Variants in ERCC6 observed in about 807,000 individuals in gnomAD.
ERCC6 encodes the protein DNA excision repair protein ERCC-6.
Under a neutral mutation model 158.7 loss-of-function variants are expected in ERCC6, and 116 were observed. The observed-to-expected ratio is 0.73, with a 90% CI of 0.63 to 0.85. ERCC6 has a LOEUF of 0.85. Among genes scored for constraint, ERCC6 ranks in the 40% least tolerant of loss-of-function variants. The pLI is 0.00. For missense variants in ERCC6, 1,698 were observed against 1,799.4 expected (o/e 0.94, Z 1.02); for synonymous variants, 678 against 659.3 (o/e 1.03, Z -0.43).
At chr10:49,451,562 T>C (rs1029708282), downstream of ERCC6, among the ~76,000 whole-genome samples, 4 of 152,220 alleles carry the variant, frequency 2.6e-5, no homozygotes, top group Non-Finnish European at 4.4e-5. Flanking sequence ...ATTGATATAA[T>C]GTATTACATT....
the ERCC6 span, among the ~76,000 whole-genome samples, chr10:49,443,896 G>A: frequency 6.6e-6 from 1 of 152,194 alleles, no homozygotes; most frequent in East Asian, 1.9e-4. Flanking sequence ...ATGCTGCTCA[G>A]AACGTGTCCT....
chr10:49,483,474 T>C lies in ERCC6; in HGVS notation c.1864A>G (p.Ile622Val). The stretch of plus-strand genomic sequence containing the variant: ...AATCGAATGTAGGAGTAAGATGTGA[T>C]CAAAATTCCATGACAATGAGCAACA... ...RDVAHCHGILITSYSYIRLMQ... is the reference protein window; with the variant it reads ...RDVAHCHGILVTSYSYIRLMQ... Residue 622 changes from isoleucine to valine, a missense_variant, in exon 9 of 21, where the codon ATC (isoleucine) becomes GTC (valine). Coordinates refer to ENST00000355832, the MANE Select transcript of ERCC6 (RefSeq NM_000124.4). 6.2e-7 allele frequency: 1 copy of C among 1,614,122 alleles called. No individual in the cohort carries two copies. Among genetic ancestry groups the C allele is most frequent in the Non-Finnish European group, 8.5e-7 (1 of 1,179,998 alleles).
chr10:49,448,008 A>G, the ERCC6 span, among the ~76,000 whole-genome samples: 3 of 152,212 alleles, frequency 2.0e-5, no homozygotes, highest in African/African-American at 7.2e-5. Context: ...ATATTCACAT[A>G]CAAGTATTTG....
At chr10:49,493,465 G>A (rs1851212020) in intron 7 of ERCC6, among the ~76,000 whole-genome samples, 1 of 152,160 alleles carries the variant, frequency 6.6e-6, no homozygotes. Context: ...ATTAGTGGAT[G>A]TAGGTGTTAA....
chr10:49,461,446 G>A lies in ERCC6; in HGVS notation c.3889C>T (p.Leu1297=), dbSNP rs751390320. ...NRVAQDALKA[L]RLSRQRCLGA... ...AGACACCGCTGACGAGAGAGCCTCAGTGCTTTCAGGGCATCCTGGGCCACT... is the reference window on the plus strand; with the variant it reads ...AGACACCGCTGACGAGAGAGCCTCAATGCTTTCAGGGCATCCTGGGCCACT... Residue 1297 remains leucine, a synonymous_variant, in exon 19 of 21, where the codon CTG becomes TTG. Coordinates refer to ENST00000355832, the MANE Select transcript of ERCC6 (RefSeq NM_000124.4). 6.2e-7 allele frequency: 1 copy of A among 1,614,212 alleles called. No homozygotes were observed. Among genetic ancestry groups the A allele is most frequent in the Non-Finnish European group, 8.5e-7 (1 of 1,180,038 alleles).
intron 6 of ERCC6, chr10:49,503,971 TTAGA>T (rs774205664): frequency 3.9e-5 from 6 of 152,136 alleles, no homozygotes; most frequent in Admixed American, 1.3e-4. Context: ...GACTGCTAAA[TTAGA>T]TAGACAAATA....
intron 8 of ERCC6, among the ~76,000 whole-genome samples, chr10:49,489,073 G>A (rs886696912): frequency 1.3e-5 from 2 of 152,114 alleles, no homozygotes; most frequent in African/African-American, 4.8e-5. Context: ...GTGAGCCACC[G>A]TGCCAGGCCA....
rs1837406521 is a variant in ERCC6, at chr10:49,528,989, A to T, written c.544-464T>A. 2.6e-5 allele frequency among the ~76,000 whole-genome samples: 4 copies of T among 152,368 alleles called. No homozygotes were observed. In the South Asian group the frequency reaches 8.3e-4, roughly 32 times the overall value. On this transcript the variant is annotated intron_variant, in intron 3 of 20. Transcript: ENST00000355832. ...ATTGAAAAAGTTAGTCTCCTTTGAT[A>T]ACCTACTATATTTATGACTGTCCTT... is the stretch of plus-strand genomic sequence containing the variant.
chr10:49,524,588 A>T lies in ERCC6; in HGVS notation c.842T>A (p.Leu281Gln). ...ACCTTGCTTCTTCCTTTCAAAAGAC[A>T]GTTTTGCTTGATCTGCCAAATACTT... ...FEKYLADQAK[L>Q]SFERKKQGCN... The change falls in exon 5 of 21, where the codon CTG becomes CAG. Residue 281 changes from leucine (L) to glutamine (Q), a missense_variant. Leu to Gln is a moderately radical substitution (Grantham distance 113). Coordinates refer to ENST00000355832, the MANE Select transcript of ERCC6 (RefSeq NM_000124.4). 6.2e-7 allele frequency: 1 copy of T among 1,614,212 alleles called. No individual in the cohort carries two copies. The highest frequency in any genetic ancestry group is 8.5e-7 in the Non-Finnish European group (1 of 1,180,040).
chr10:49,482,469 T>C (rs1239103104), intron 10 of ERCC6, among the ~76,000 whole-genome samples: 1 of 152,132 alleles, frequency 6.6e-6, no homozygotes, highest in Non-Finnish European at 1.5e-5. Context: ...ATTCTAGGGC[T>C]TTCCTCTCTG....
At chr10:49,513,282 A>C (rs779937763) in intron 5 of ERCC6, among the ~76,000 whole-genome samples, 1 of 152,188 alleles carries the variant, frequency 6.6e-6, no homozygotes, top group African/African-American at 2.4e-5. Context: ...TGCCTCCTTA[A>C]GGAAAGTCAG....
In ERCC6 at chr10:49,454,804, T is replaced by C. The variant is rs530231773; in HGVS notation, c.*4011A>G. On this transcript the variant is annotated 3_prime_UTR_variant, in exon 21 of 21. Coordinates refer to ENST00000355832, the MANE Select transcript of ERCC6 (RefSeq NM_000124.4). ...GTGATAATCAATTATGATACCACAA[T>C]GATAAAAACAGTGGGTTACTAAGCA... 1.4e-4 allele frequency among the ~76,000 whole-genome samples: 22 copies of C among 152,252 alleles called. No individual in the cohort carries two copies. Among genetic ancestry groups the C allele is most frequent in the African/African-American group, 5.1e-4 (21 of 41,544 alleles).
chr10:49,533,029 G>A, intron 1 of ERCC6, 51 bp from the exon 2 acceptor site: 2 of 1,575,762 alleles, frequency 1.3e-6, no homozygotes, highest in Admixed American at 3.5e-5. Flanking sequence ...ATTCATTGTA[G>A]TTCTTAAATA....
chr10:49,510,968 G>A (rs1485296839), intron 5 of ERCC6, among the ~76,000 whole-genome samples: 2 of 151,508 alleles, frequency 1.3e-5, no homozygotes, highest in African/African-American at 2.4e-5. Flanking sequence ...CATAATGAGG[G>A]TGGCTGCAAC....
chr10:49,533,181 C>T (rs919719048), intron 1 of ERCC6, among the ~76,000 whole-genome samples: 1 of 151,910 alleles, frequency 6.6e-6, no homozygotes, highest in African/African-American at 2.4e-5. Flanking sequence ...AAAAATTAAC[C>T]AGAAAAAGAA....
At chr10:49,477,690 C>T (rs1850903353) in intron 11 of ERCC6, among the ~76,000 whole-genome samples, 1 of 152,184 alleles carries the variant, frequency 6.6e-6, no homozygotes, top group African/African-American at 2.4e-5. Flanking sequence ...TCCTTGCTCC[C>T]AGCCCTGACC....
chr10:49,486,253 A>C (rs1851076166), intron 8 of ERCC6, among the ~76,000 whole-genome samples: 1 of 152,188 alleles, frequency 6.6e-6, no homozygotes, highest in South Asian at 2.1e-4. Context: ...TAAAACATTT[A>C]CAAAGAGGAT....
At chr10:49,446,438 G>C in the ERCC6 span, among the ~76,000 whole-genome samples, 1 of 152,154 alleles carries the variant, frequency 6.6e-6, no homozygotes, top group Non-Finnish European at 1.5e-5. Flanking sequence ...GAAGCTTAGA[G>C]GGGAGGAAGA....
At chr10:49,522,282 T>C (rs1209146430) in intron 5 of ERCC6, among the ~76,000 whole-genome samples, 2 of 152,222 alleles carry the variant, frequency 1.3e-5, no homozygotes, top group Admixed American at 6.5e-5. Context: ...CTGGCAGTTC[T>C]AATATGCTTC....
Sources: allele counts gnomAD v4.1 joint callset (sites outside exome capture counted in the v4.1 genomes callset), GRCh38; gene constraint gnomAD v4.1.1; transcripts MANE v1.5; gene names NCBI Gene and HGNC (gene_info 2026-07-23, HGNC 2026-07-21).